The following CTDSPL2 variants were observed in gnomAD, a reference collection of about 807,000 sequenced individuals.
CTDSPL2 encodes CTD small phosphatase like 2.
In CTDSPL2, 5 loss-of-function variants were observed where a neutral mutation model predicts 60.0. The ratio of observed to expected loss-of-function variants is 0.08; its 90% confidence interval spans 0.04 to 0.18. The LOEUF (loss-of-function observed/expected upper bound fraction) is 0.18. Ranked by LOEUF, CTDSPL2 falls within the 10% of genes least tolerant of loss-of-function variation. The pLI is 1.00. For missense variants in CTDSPL2, 370 were observed against 548.8 expected, an observed-to-expected ratio of 0.67 and a Z score of 3.26; for synonymous variants, 186 against 189.3, an observed-to-expected ratio of 0.98 and a Z score of 0.14.
At chr15:44,459,761 A>G (rs866680494) in intron 2 of CTDSPL2, among the ~76,000 whole-genome samples, 3 of 152,112 alleles carry the variant, frequency 2.0e-5, no homozygotes, top group Non-Finnish European at 4.4e-5. Flanking sequence ...CTTTTACTTG[A>G]GTTGTTTCTT....
intron 1 of CTDSPL2, among the ~76,000 whole-genome samples, chr15:44,454,827 T>G (rs2080401771): frequency 6.6e-6 from 1 of 152,232 alleles, no homozygotes; most frequent in African/African-American, 2.4e-5. Flanking sequence ...TTGGTTACTG[T>G]AGCCTTGTAG....
chr15:44,462,510 C>T (rs2080592426), intron 2 of CTDSPL2, among the ~76,000 whole-genome samples: 1 of 128,030 alleles, frequency 7.8e-6, no homozygotes, highest in Non-Finnish European at 1.7e-5. Context: ...TTTATATGCA[C>T]AATTCACACT....
intron 2 of CTDSPL2, among the ~76,000 whole-genome samples, chr15:44,472,884 T>A (rs934636138): frequency 1.3e-5 from 2 of 152,220 alleles, no homozygotes; most frequent in Non-Finnish European, 2.9e-5. Context: ...CGGTTTTGAA[T>A]TCCTGACCTC....
chr15:44,471,179 A>C (rs1193723798), intron 2 of CTDSPL2, among the ~76,000 whole-genome samples: 3 of 152,130 alleles, frequency 2.0e-5, no homozygotes, highest in African/African-American at 7.2e-5. Context: ...TCTGTAGTTG[A>C]TTCCTTCCCC....
chr15:44,497,157 G>C lies in CTDSPL2; in HGVS notation c.882+19G>C. 1 of 1,352,556 alleles carries C rather than the reference G, an allele frequency of 7.4e-7. No individual in the cohort carries two copies. Among genetic ancestry groups the C allele is most frequent in the African/African-American group, 1.5e-5 (1 of 68,792 alleles). The allele number at this position is 1,352,556 out of a possible 1,614,324, so 83.8% of individuals were successfully genotyped here. ...AGACTTGGTAAGTATATTATCTGTA[G>C]AGGTAGAGAGAATAAAGGGGTGAAA... On this transcript the variant is annotated intron_variant, in intron 7 of 12. Transcript: ENST00000260327.
intron 2 of CTDSPL2, among the ~76,000 whole-genome samples, chr15:44,482,465 A>G (rs2081046508): frequency 6.6e-6 from 1 of 152,222 alleles, no homozygotes; most frequent in African/African-American, 2.4e-5. Flanking sequence ...TGTATGTTAT[A>G]GCAGCTGTAC....
chr15:44,520,082 T>C (rs1035897053), intron 11 of CTDSPL2: 2 of 151,676 alleles, frequency 1.3e-5, no homozygotes, highest in Non-Finnish European at 2.9e-5. Context: ...TGATGAGTCA[T>C]CCTTTCAAGG....
intron 2 of CTDSPL2, among the ~76,000 whole-genome samples, chr15:44,463,929 T>C (rs1486139245): frequency 6.6e-6 from 1 of 152,194 alleles, no homozygotes; most frequent in Non-Finnish European, 1.5e-5. Context: ...ACTTGCAGTG[T>C]CAATAGTAAC....
intron 1 of CTDSPL2, among the ~76,000 whole-genome samples, chr15:44,457,605 G>A (rs772203473): frequency 1.3e-5 from 2 of 151,900 alleles, no homozygotes; most frequent in African/African-American, 4.8e-5. Flanking sequence ...TGGTTGGGGG[G>A]GGTGGTGCGG....
At chr15:44,477,800 T>C (rs984601869) in intron 2 of CTDSPL2, among the ~76,000 whole-genome samples, 2 of 151,924 alleles carry the variant, frequency 1.3e-5, no homozygotes, top group Non-Finnish European at 2.9e-5. Context: ...ATCGTGCCAT[T>C]GCACTCCATC....
At chr15:44,464,013 A>G (rs1316269023) in intron 2 of CTDSPL2, among the ~76,000 whole-genome samples, 1 of 152,178 alleles carries the variant, frequency 6.6e-6, no homozygotes, top group Non-Finnish European at 1.5e-5. Context: ...GACAGCTTTT[A>G]CTTTTTTTCT....
intron 4 of CTDSPL2, among the ~76,000 whole-genome samples, chr15:44,489,592 A>T (rs1432196593): frequency 6.6e-6 from 1 of 152,208 alleles, no homozygotes; most frequent in African/African-American, 2.4e-5. Context: ...GGTTATAGCT[A>T]TGGTAGTAAC....
In CTDSPL2 at chr15:44,449,208, G is replaced by A. The variant is rs145273424; in HGVS notation, c.-24-9783G>A. 1,292 of 285,036 alleles carry A rather than the reference G, an allele frequency of 4.5e-3. 7 individuals are homozygous for A. The highest frequency in any genetic ancestry group is 7.0e-3 in the Non-Finnish European group (962 of 138,274). The allele number at this position is 285,036 out of a possible 1,614,324, so 17.7% of individuals were successfully genotyped here. A position where few individuals can be genotyped will look rare whatever the true frequency, so the allele number is the denominator to read the frequency against. ...AGTGGTAGCCATCACGTTTTGCATTGCTCTCCTGGCATGTTCACTATCAGG... is the reference window on the plus strand; with the variant it reads ...AGTGGTAGCCATCACGTTTTGCATTACTCTCCTGGCATGTTCACTATCAGG... On this transcript the variant is annotated intron_variant, in intron 1 of 12. Coordinates refer to ENST00000260327, the MANE Select transcript of CTDSPL2 (RefSeq NM_016396.3).
At position 44,440,383 on chromosome 15, in the gene CTDSPL2, A is replaced by T. The variant is rs143204102; in HGVS notation, c.-25+12611A>T. 6.2e-3 allele frequency among the ~76,000 whole-genome samples: 943 copies of T among 151,994 alleles called. 10 individuals are homozygous for T. Among genetic ancestry groups the T allele is most frequent in the African/African-American group, 0.021 (871 of 41,450 alleles). The stretch of plus-strand genomic sequence containing the variant: ...ACTAATTTTTGTAATTTTAGTAGAG[A>T]TGGGGCTTCACTCTGTTGCCCAGGC... On this transcript the variant is annotated intron_variant, in intron 1 of 12. Coordinates refer to ENST00000260327, the MANE Select transcript of CTDSPL2 (RefSeq NM_016396.3).
chr15:44,481,529 C>G (rs978080372), intron 2 of CTDSPL2, among the ~76,000 whole-genome samples: 1 of 152,100 alleles, frequency 6.6e-6, no homozygotes, highest in African/African-American at 2.4e-5. Context: ...AAGTAAAAAG[C>G]CTCCAGTTCA....
At position 44,440,199 on chromosome 15, in the gene CTDSPL2, G is replaced by GTT. The variant is rs34781077; in HGVS notation, c.-25+12440_-25+12441dup. 4.3e-3 allele frequency among the ~76,000 whole-genome samples: 606 copies of GTT among 140,690 alleles called. 3 individuals carry two copies. The highest frequency in any genetic ancestry group is 0.014 in the African/African-American group (522 of 38,456). The allele number at this position is 140,690 out of a possible 152,430, so 92.3% of individuals were successfully genotyped here. A position where few individuals can be genotyped will look rare whatever the true frequency, so the allele number is the denominator to read the frequency against. On this transcript the variant is annotated intron_variant, in intron 1 of 12. Coordinates refer to ENST00000260327, the MANE Select transcript of CTDSPL2 (RefSeq NM_016396.3). ...TGTTTTTTTGTTTGTTTGTTTTTGT[G>GTT]TTTTTTTTTTTTTTGAGATGGAGTC... is the stretch of plus-strand genomic sequence containing the variant.
intron 3 of CTDSPL2, 109 bp from the exon 4 acceptor site, chr15:44,486,442 G>A (rs887181399): frequency 5.5e-6 from 4 of 722,746 alleles, no homozygotes; most frequent in African/African-American, 1.8e-5. Context: ...ATTAGCTTTC[G>A]TGAAGTATTT....
chr15:44,498,864 G>A (rs2081343773), intron 7 of CTDSPL2, among the ~76,000 whole-genome samples: 1 of 152,070 alleles, frequency 6.6e-6, no homozygotes, highest in Non-Finnish European at 1.5e-5. Flanking sequence ...ATCTGGTGCT[G>A]AGTAAAATTA....
chr15:44,458,673 A>G (rs564358943), intron 1 of CTDSPL2, among the ~76,000 whole-genome samples: 24 of 152,342 alleles, frequency 1.6e-4, no homozygotes, highest in African/African-American at 5.8e-4. Flanking sequence ...CGATTAAACG[A>G]ATAGTAGTGT....
Sources: gnomAD v4.1 joint callset for allele counts (sites outside exome capture counted in the v4.1 genomes callset) on GRCh38, gnomAD v4.1.1 for gene constraint, MANE v1.5 for transcripts, NCBI Gene and HGNC (gene_info 2026-07-23, HGNC 2026-07-21) for gene names.